The following EYS variants were observed in gnomAD, a reference collection of about 807,000 sequenced individuals.
EYS encodes EGF-like photoreceptor maintenance factor, also known as protein eyes shut homolog.
EYS carries 250 observed loss-of-function variants against 282.1 expected under a neutral mutation model. The ratio of observed to expected loss-of-function variants is 0.89; its 90% CI spans 0.80 to 0.98. The LOEUF (loss-of-function observed/expected upper bound fraction) is 0.98. EYS is among the 50% of genes least tolerant of loss of function. EYS has a pLI of 0.00. For missense variants in EYS, 4,016 were observed against 3,709.0 expected (o/e 1.08, Z -2.15); for synonymous variants, 1,355 against 1,282.9 (o/e 1.06, Z -1.20).
intron 15 of EYS, among the ~76,000 whole-genome samples, chr6:64,922,971 AT>A (rs1361672591): frequency 6.6e-6 from 1 of 152,094 alleles, no homozygotes; most frequent in African/African-American, 2.4e-5. Context: ...TACTATGCTG[AT>A]TTTTTTCTCA....
Position 64,590,900 on chromosome 6 carries a change from T to C in EYS, c.4967A>G (p.Asp1656Gly), listed in dbSNP as rs1219684922. Residue 1656 changes from aspartate (D) to glycine (G), a missense_variant, in exon 26 of 43, where the codon GAT becomes GGT. Asp to Gly is a moderately conservative substitution (Grantham distance 94). Coordinates refer to ENST00000503581, the MANE Select transcript of EYS (RefSeq NM_001142800.2). ...EESITLSSNL[D>G]VNLCLDKTCL... ...AGTCTTATCCAAACATAAATTAACA[T>C]CCAAATTACTTGATAGGGTAATGGA... 6.4e-7 allele frequency: 1 copy of C among 1,550,560 alleles called. No homozygotes were observed. Among genetic ancestry groups the C allele is most frequent in the Non-Finnish European group, 8.7e-7 (1 of 1,146,628 alleles).
chr6:65,465,866 T>C (rs974734346), intron 5 of EYS, among the ~76,000 whole-genome samples: 1 of 151,920 alleles, frequency 6.6e-6, no homozygotes, highest in Non-Finnish European at 1.5e-5. Flanking sequence ...CAGCTACTCA[T>C]GAGGTTGTGG....
At chr6:65,498,513 G>A (rs756496462) in intron 2 of EYS, among the ~76,000 whole-genome samples, 15 of 151,978 alleles carry the variant, frequency 9.9e-5, no homozygotes, top group Non-Finnish European at 1.6e-4. Flanking sequence ...GCAGATGTGA[G>A]CCCACATTAT....
chr6:63,999,525 C>A (rs1767982651), intron 33 of EYS, among the ~76,000 whole-genome samples: 1 of 152,158 alleles, frequency 6.6e-6, no homozygotes, highest in South Asian at 2.1e-4. Context: ...TGGTCTCCCT[C>A]ATGTAGGAGA....
In EYS at chr6:64,617,495, T is replaced by C; in HGVS notation, c.3607A>G (p.Ile1203Val). The C allele has an allele frequency of 6.4e-7, 1 of 1,550,956 alleles. No homozygotes were observed. The highest frequency in any genetic ancestry group is 8.7e-7 in the Non-Finnish European group (1 of 1,146,420). ...AGTTCATGAACACATGAGTTGGGAATGCACTCAAGCTCATTCTCACAGTGG... is the reference window on the plus strand; with the variant it reads ...AGTTCATGAACACATGAGTTGGGAACGCACTCAAGCTCATTCTCACAGTGG... ...GHHCENELEC[I>V]PNSCVHELCM... The change falls in exon 24 of 43, where the codon ATT becomes GTT. Residue 1203 changes from isoleucine (I) to valine (V), a missense_variant. Transcript: ENST00000503581.
rs1770142029 is a variant in EYS, at chr6:64,686,825, A to ATATATATATACGTGTATATATATATACG, written c.3444-60581_3444-60580insCGTATATATATATACACGTATATATATA. Among the ~76,000 whole-genome samples, 8 of 17,676 alleles carry ATATATATATACGTGTATATATATATACG rather than the reference A, an allele frequency of 4.5e-4. 2 individuals carry two copies. Among genetic ancestry groups the ATATATATATACGTGTATATATATATACG allele is most frequent in the Non-Finnish European group, 2.1e-3 (8 of 3,828 alleles). 11.6% of individuals were successfully genotyped at this position (17,676 alleles called of 152,430 possible). On this transcript the variant is annotated intron_variant, in intron 22 of 42. Transcript: ENST00000503581. ...TATATGTGTGTATATATATATGTGT[A>ATATATATATACGTGTATATATATATACG]TATATATATATACGTGTATATATAT...
chr6:64,128,302 T>C (rs1773852685), intron 31 of EYS, among the ~76,000 whole-genome samples: 2 of 152,144 alleles, frequency 1.3e-5, no homozygotes, highest in Admixed American at 1.3e-4. Flanking sequence ...TTAAAATACA[T>C]GCTGTGAATA....
intron 26 of EYS, among the ~76,000 whole-genome samples, chr6:64,530,373 T>C (rs1764287068): frequency 6.6e-6 from 1 of 152,042 alleles, no homozygotes; most frequent in African/African-American, 2.4e-5. Context: ...TCTCTATTCC[T>C]CTTTCTAGAC....
intron 18 of EYS, 67 bp downstream of exon 18, chr6:64,902,046 T>C: frequency 3.5e-5 from 35 of 1,006,696 alleles, no homozygotes; most frequent in Non-Finnish European, 4.6e-5. Context: ...AATGAGCACA[T>C]GTGTGCTCAC....
intron 15 of EYS, among the ~76,000 whole-genome samples, chr6:64,916,092 A>C (rs772335814): frequency 2.0e-5 from 3 of 152,198 alleles, no homozygotes; most frequent in Non-Finnish European, 4.4e-5. Flanking sequence ...GGACTCAGTT[A>C]ATATACTATG....
At chr6:64,926,403 T>C (rs1338902587) in intron 15 of EYS, among the ~76,000 whole-genome samples, 1 of 152,186 alleles carries the variant, frequency 6.6e-6, no homozygotes, top group Non-Finnish European at 1.5e-5. Context: ...TGATGCCCAG[T>C]TCTAGGAGAG....
chr6:65,665,836 T>C (rs2149828964), intron 1 of EYS, among the ~76,000 whole-genome samples: 1 of 152,146 alleles, frequency 6.6e-6, no homozygotes, highest in South Asian at 2.1e-4. Context: ...TGGATAAACT[T>C]TGTAAACTTT....
At chr6:64,711,930 G>T (rs1433605905) in intron 22 of EYS, among the ~76,000 whole-genome samples, 4 of 152,140 alleles carry the variant, frequency 2.6e-5, no homozygotes, top group African/African-American at 9.7e-5. Flanking sequence ...TCAAAGTTGG[G>T]CACAACAGTG....
chr6:64,650,419 T>C (rs1426994849), intron 22 of EYS, among the ~76,000 whole-genome samples: 1 of 151,982 alleles, frequency 6.6e-6, no homozygotes, highest in Admixed American at 6.6e-5. Context: ...TTTTAGCCAG[T>C]GTGACTAAAA....
intron 40 of EYS, among the ~76,000 whole-genome samples, chr6:63,765,611 C>G (rs748238292): frequency 6.6e-6 from 1 of 151,774 alleles, no homozygotes; most frequent in Admixed American, 6.6e-5. Context: ...AATAGGGTAT[C>G]CATACCCTCA....
chr6:64,524,928 C>A (rs948865790), intron 26 of EYS, among the ~76,000 whole-genome samples: 1 of 151,698 alleles, frequency 6.6e-6, no homozygotes, highest in Non-Finnish European at 1.5e-5. Flanking sequence ...TGAAGAAAAA[C>A]TCAATACCCC....
chr6:65,006,151 C>T (rs933387560), intron 13 of EYS, among the ~76,000 whole-genome samples: 4 of 151,788 alleles, frequency 2.6e-5, no homozygotes, highest in African/African-American at 9.7e-5. Flanking sequence ...GGACCCGTTC[C>T]CCACCACCTG....
At chr6:63,965,202 A>G (rs1169962989) in intron 35 of EYS, among the ~76,000 whole-genome samples, 4 of 152,160 alleles carry the variant, frequency 2.6e-5, no homozygotes, top group African/African-American at 9.6e-5. Flanking sequence ...TAGAATTCTT[A>G]CTTTGTGTAA....
intron 31 of EYS, among the ~76,000 whole-genome samples, chr6:64,223,123 G>A (rs1236113195): frequency 6.6e-6 from 1 of 151,850 alleles, no homozygotes; most frequent in Non-Finnish European, 1.5e-5. Context: ...CACTCCCAGT[G>A]CACCCCGTCC....
Sources: allele counts gnomAD v4.1 joint callset (sites outside exome capture counted in the v4.1 genomes callset), GRCh38; gene constraint gnomAD v4.1.1; transcripts MANE v1.5; gene names NCBI Gene and HGNC (gene_info 2026-07-23, HGNC 2026-07-21).